RLN2: variants seen among roughly 807,000 people sequenced by gnomAD.
The protein encoded by RLN2 is prorelaxin H2.
A neutral mutation model predicts 7.3 loss-of-function variants in RLN2; 10 were observed. That is an observed-to-expected ratio of 1.36 (90% CI 0.84 to 2.31). The LOEUF (loss-of-function observed/expected upper bound fraction) is 2.31, where lower values mean the gene tolerates loss of function less well. Among genes scored for constraint, RLN2 ranks in the 30% most tolerant of loss-of-function variants. The pLI is 0.00. For missense variants in RLN2, 298 were observed against 217.6 expected (o/e 1.37, Z -2.32); for synonymous variants, 103 against 82.3 (o/e 1.25, Z -1.36).
At chr9:5,335,114 C>T in the RLN2 span, 2 of 535,680 alleles carry the variant, frequency 3.7e-6, no homozygotes, top group African/African-American at 1.9e-5. Flanking sequence ...TATTTTCTTA[C>T]ACACCAAATG....
chr9:5,329,766 C>A, the RLN2 span, among the ~76,000 whole-genome samples: 1 of 151,892 alleles, frequency 6.6e-6, no homozygotes, highest in Admixed American at 6.6e-5. Flanking sequence ...AAAACAAGTC[C>A]TTAGAGACAT....
chr9:5,321,871 T>A, the RLN2 span, among the ~76,000 whole-genome samples: 2 of 151,966 alleles, frequency 1.3e-5, no homozygotes, highest in Non-Finnish European at 2.9e-5. Context: ...CTGTGCTCAG[T>A]ACACTGGAGT....
chr9:5,320,057 T>C, the RLN2 span, among the ~76,000 whole-genome samples: 4 of 151,248 alleles, frequency 2.6e-5, no homozygotes, highest in Admixed American at 2.6e-4. Context: ...ACAATCTCGG[T>C]TCACTGCAAC....
Position 5,304,646 on chromosome 9 carries a change from T to C in RLN2, c.-66A>G, listed in dbSNP as rs1586931660. 3 of 1,517,302 alleles carry C rather than the reference T, an allele frequency of 2.0e-6. No homozygotes were observed. Among genetic ancestry groups the C allele is most frequent in the South Asian group, 2.3e-5 (2 of 88,132 alleles). The allele number at this position is 1,517,302 out of a possible 1,614,324, so 94.0% of individuals were successfully genotyped here. On this transcript the variant is annotated 5_prime_UTR_variant, in exon 1 of 2. Transcript: ENST00000381627. ...TTTCAGGACTGCAGCTGCTGTGGCC[T>C]ACACACCTGGGCCTGTGTGCCTGTC...
chr9:5,333,154 T>C, the RLN2 span, among the ~76,000 whole-genome samples: 60,169 of 151,750 alleles, frequency 0.4, 12,510 homozygotes, highest in Non-Finnish European at 0.45. Context: ...GGACTTCTTA[T>C]TAATGGTCAC....
At chr9:5,335,743 C>G in the RLN2 span, 1 of 618,500 alleles carries the variant, frequency 1.6e-6, no homozygotes, top group Non-Finnish European at 2.8e-6. Flanking sequence ...ATCCTAATAT[C>G]TAAACACTTA....
the RLN2 span, among the ~76,000 whole-genome samples, chr9:5,332,947 C>G: frequency 3.9e-5 from 6 of 152,062 alleles, no homozygotes; most frequent in East Asian, 9.6e-4. Flanking sequence ...TGTACACTTT[C>G]AAGTGATTCA....
At chr9:5,318,261 T>G in the RLN2 span, among the ~76,000 whole-genome samples, 1 of 152,018 alleles carries the variant, frequency 6.6e-6, no homozygotes, top group African/African-American at 2.4e-5. Flanking sequence ...GTGAGTGAAG[T>G]CAGGATAAAC....
At chr9:5,319,103 A>G in the RLN2 span, among the ~76,000 whole-genome samples, 1 of 151,984 alleles carries the variant, frequency 6.6e-6, no homozygotes, top group Non-Finnish European at 1.5e-5. Flanking sequence ...TGCTCTTTTT[A>G]TCATTAACAC....
the RLN2 span, among the ~76,000 whole-genome samples, chr9:5,314,783 C>T: frequency 2.0e-5 from 3 of 152,108 alleles, no homozygotes; most frequent in South Asian, 6.2e-4. Context: ...TCACACCTGG[C>T]TTCACAGAAT....
the RLN2 span, among the ~76,000 whole-genome samples, chr9:5,323,937 A>G: frequency 1.3e-4 from 20 of 151,968 alleles, no homozygotes; most frequent in East Asian, 2.5e-3. Flanking sequence ...AGTCCCAGCT[A>G]CCCAGGAGGC....
upstream of RLN2, among the ~76,000 whole-genome samples, chr9:5,305,230 C>A (rs1256313671): frequency 6.6e-6 from 1 of 151,874 alleles, no homozygotes; most frequent in Non-Finnish European, 1.5e-5. Flanking sequence ...GCAGTAATGT[C>A]TTTAATTTAC....
chr9:5,304,282 A>T, intron 1 of RLN2, 88 bp downstream of exon 1: 1 of 842,356 alleles, frequency 1.2e-6, no homozygotes, highest in Non-Finnish European at 1.9e-6. Flanking sequence ...CTCGAGTCGG[A>T]CGTGCAGGCC....
chr9:5,326,968 C>T, the RLN2 span, among the ~76,000 whole-genome samples: 3 of 152,152 alleles, frequency 2.0e-5, no homozygotes, highest in Admixed American at 2.0e-4. Flanking sequence ...CTGCAACTCC[C>T]AGTGAGATTG....
Position 5,304,626 on chromosome 9 carries a change from G to A in RLN2, c.-46C>T. 1 of 1,579,050 alleles carries A rather than the reference G, an allele frequency of 6.3e-7. No homozygotes were observed. Among genetic ancestry groups the A allele is most frequent in the Non-Finnish European group, 8.7e-7 (1 of 1,148,918 alleles). ...GAGGTCGGGACGTTGCAGCCTTTCA[G>A]GACTGCAGCTGCTGTGGCCTACACA... On this transcript the variant is annotated 5_prime_UTR_variant, in exon 1 of 2. Coordinates refer to ENST00000381627, the MANE Select transcript of RLN2 (RefSeq NM_134441.3).
the RLN2 span, chr9:5,311,748 T>A: frequency 1.0e-6 from 1 of 960,816 alleles, no homozygotes; most frequent in Non-Finnish European, 1.7e-6. Flanking sequence ...TGTATACTTC[T>A]GGTGACTGTA....
the RLN2 span, among the ~76,000 whole-genome samples, chr9:5,329,138 C>A: frequency 6.6e-6 from 1 of 151,052 alleles, no homozygotes. Flanking sequence ...CCCGTCTCTA[C>A]TAAAAATACA....
the RLN2 span, among the ~76,000 whole-genome samples, chr9:5,337,561 A>T: frequency 2.0e-5 from 3 of 152,016 alleles, no homozygotes; most frequent in Non-Finnish European, 4.4e-5. Context: ...ACATTGTAAG[A>T]TAAAATGGTT....
the RLN2 span, among the ~76,000 whole-genome samples, chr9:5,320,668 G>C: frequency 3.9e-5 from 6 of 152,026 alleles, no homozygotes; most frequent in Non-Finnish European, 5.9e-5. Flanking sequence ...ACCATGCCCA[G>C]CCACACAAAA....
Sources: gnomAD v4.1 joint callset for allele counts (sites outside exome capture counted in the v4.1 genomes callset) on GRCh38, gnomAD v4.1.1 for gene constraint, MANE v1.5 for transcripts, NCBI Gene and HGNC (gene_info 2026-07-23, HGNC 2026-07-21) for gene names.